RBMS1: variants seen among roughly 807,000 people sequenced by gnomAD.
RBMS1 encodes RNA-binding motif, single-stranded-interacting protein 1.
RBMS1 carries 17 observed loss-of-function variants against 62.3 expected under a neutral mutation model. The ratio of observed to expected loss-of-function variants is 0.27; its 90% CI spans 0.19 to 0.41. The LOEUF is 0.41. Among genes scored for constraint, RBMS1 ranks in the 10% least tolerant of loss-of-function variants. RBMS1 has a pLI of 1.00. For synonymous variants in RBMS1, 172 were observed against 170.0 expected, an observed-to-expected ratio of 1.01 and a Z score of -0.09; for missense variants, 334 against 504.5, an observed-to-expected ratio of 0.66 and a Z score of 3.24.
intron 5 of RBMS1, 28 bp from the exon 6 acceptor site, chr2:160,300,758 A>C (rs779977676): frequency 5.0e-5 from 76 of 1,525,428 alleles, no homozygotes; most frequent in Non-Finnish European, 6.4e-5. Flanking sequence ...AGAATACATA[A>C]ATATTTAAAG....
At chr2:160,411,572 A>G (rs1696038195) in intron 1 of RBMS1, among the ~76,000 whole-genome samples, 1 of 152,236 alleles carries the variant, frequency 6.6e-6, no homozygotes, top group Non-Finnish European at 1.5e-5. Context: ...TCCAAGGAAC[A>G]GAATTAAAGC....
At chr2:160,365,232 T>C (rs1189234821) in intron 2 of RBMS1, among the ~76,000 whole-genome samples, 3 of 152,218 alleles carry the variant, frequency 2.0e-5, no homozygotes, top group Non-Finnish European at 4.4e-5. Flanking sequence ...CAGCAAATTT[T>C]GAGATAGACT....
chr2:160,436,940 T>C (rs1328870547), intron 1 of RBMS1, among the ~76,000 whole-genome samples: 2 of 152,178 alleles, frequency 1.3e-5, no homozygotes, highest in Non-Finnish European at 2.9e-5. Flanking sequence ...AAAGAATCTG[T>C]AGCTAAGGTC....
intron 1 of RBMS1, among the ~76,000 whole-genome samples, chr2:160,464,059 C>T (rs184866714): frequency 6.6e-6 from 1 of 152,264 alleles, no homozygotes; most frequent in African/African-American, 2.4e-5. Flanking sequence ...GAGCAAAGTG[C>T]TCTCCTATAT....
intron 1 of RBMS1, among the ~76,000 whole-genome samples, chr2:160,416,565 C>G (rs1696216971): frequency 1.3e-5 from 2 of 152,072 alleles, no homozygotes; most frequent in South Asian, 4.2e-4. Context: ...GGGAAGGAGG[C>G]AGGACAGGTA....
chr2:160,424,468 C>A (rs540465001), intron 1 of RBMS1, among the ~76,000 whole-genome samples: 24 of 151,970 alleles, frequency 1.6e-4, no homozygotes, highest in African/African-American at 4.1e-4. Context: ...ATCTGAGAAG[C>A]ACGTTTTCTC....
chr2:160,436,284 A>T (rs1039189151), intron 1 of RBMS1, among the ~76,000 whole-genome samples: 6 of 152,222 alleles, frequency 3.9e-5, no homozygotes, highest in East Asian at 1.9e-4. Flanking sequence ...GCTGACCACC[A>T]TGTAAAAAGT....
intron 2 of RBMS1, among the ~76,000 whole-genome samples, chr2:160,365,882 A>G (rs1693368256): frequency 6.6e-6 from 1 of 152,232 alleles, no homozygotes. Context: ...CAGCTGCAAT[A>G]GGGCAGGGCG....
At chr2:160,341,086 G>A (rs1227117131) in intron 2 of RBMS1, among the ~76,000 whole-genome samples, 1 of 152,124 alleles carries the variant, frequency 6.6e-6, no homozygotes, top group Non-Finnish European at 1.5e-5. Context: ...AAAAATATAT[G>A]TTTGAGTGGG....
At chr2:160,443,247 C>T (rs1455366651) in intron 1 of RBMS1, among the ~76,000 whole-genome samples, 1 of 150,576 alleles carries the variant, frequency 6.6e-6, no homozygotes, top group Non-Finnish European at 1.5e-5. Flanking sequence ...TTGACTTACA[C>T]AGAAAGAGAG....
chr2:160,405,409 C>T (rs72974997), intron 1 of RBMS1, among the ~76,000 whole-genome samples: 3,574 of 152,272 alleles, frequency 0.023, 69 homozygotes, highest in Middle Eastern at 0.061. Context: ...TGAAGCTTAA[C>T]ATCACAAAAT....
chr2:160,300,589 T>A (rs1172762370), intron 6 of RBMS1, 62 bp downstream of exon 6: 2 of 1,507,726 alleles, frequency 1.3e-6, no homozygotes, highest in Non-Finnish European at 1.8e-6. Context: ...AGTCATCATG[T>A]GCTAAAGTTA....
intron 1 of RBMS1, among the ~76,000 whole-genome samples, chr2:160,461,163 C>T (rs916308304): frequency 1.1e-4 from 16 of 152,122 alleles, no homozygotes; most frequent in African/African-American, 3.6e-4. Context: ...GTGGAAGGAT[C>T]ACTTGAGCTC....
At chr2:160,403,806 T>C (rs1187899062) in intron 1 of RBMS1, among the ~76,000 whole-genome samples, 1 of 152,160 alleles carries the variant, frequency 6.6e-6, no homozygotes, top group East Asian at 1.9e-4. Context: ...GAAACCAAAG[T>C]ATGGTTGGTT....
At chr2:160,296,545 T>C (rs1020005989) in intron 6 of RBMS1, among the ~76,000 whole-genome samples, 2 of 152,210 alleles carry the variant, frequency 1.3e-5, no homozygotes, top group African/African-American at 4.8e-5. Flanking sequence ...TACTAAACAC[T>C]AGTTATACGT....
intron 10 of RBMS1, 181 bp from the exon 11 acceptor site, chr2:160,278,839 T>G: frequency 3.7e-6 from 2 of 543,944 alleles, no homozygotes; most frequent in Admixed American, 7.1e-5. Flanking sequence ...TTGCTCTTCC[T>G]GAGAGTTTTT....
chr2:160,493,431 T>C lies in RBMS1; in HGVS notation c.-68A>G. On this transcript the variant is annotated 5_prime_UTR_variant, in exon 1 of 14. Coordinates refer to ENST00000348849, the MANE Select transcript of RBMS1 (RefSeq NM_016836.4). The stretch of plus-strand genomic sequence containing the variant: ...GGGGTTTCCAAGTCTCGGGCTCTCC[T>C]GCCTCTCCCTTTCCGGCGGCGGCGG... The C allele has an allele frequency of 6.7e-7, 1 of 1,481,790 alleles. No individual in the cohort carries two copies. The highest frequency in any genetic ancestry group is 1.1e-5 in the South Asian group (1 of 87,886). The allele number at this position is 1,481,790 out of a possible 1,614,324, so 91.8% of individuals were successfully genotyped here. A position where few individuals can be genotyped will look rare whatever the true frequency, so the allele number is the denominator to read the frequency against.
chr2:160,337,735 C>T (rs1250392430), intron 2 of RBMS1, among the ~76,000 whole-genome samples: 1 of 152,140 alleles, frequency 6.6e-6, no homozygotes, highest in Non-Finnish European at 1.5e-5. Flanking sequence ...CCAATTGACC[C>T]TGCAGATCCG....
chr2:160,379,406 T>C (rs971042443), intron 1 of RBMS1, among the ~76,000 whole-genome samples: 6 of 152,228 alleles, frequency 3.9e-5, no homozygotes, highest in African/African-American at 1.4e-4. Context: ...ACAACAGCCC[T>C]GAGACTTTCC....
Sources: allele counts gnomAD v4.1 joint callset (sites outside exome capture counted in the v4.1 genomes callset), GRCh38; gene constraint gnomAD v4.1.1; transcripts MANE v1.5; gene names NCBI Gene and HGNC (gene_info 2026-07-23, HGNC 2026-07-21).